AFF3: variants seen among roughly 807,000 people sequenced by gnomAD.
The protein encoded by AFF3 is AF4/FMR2 family member 3.
AFF3 carries 32 observed loss-of-function variants against 129.7 expected under a neutral mutation model. The observed-to-expected ratio is 0.25, with a 90% CI of 0.19 to 0.33. The LOEUF (loss-of-function observed/expected upper bound fraction) is 0.33. Among genes scored for constraint, AFF3 ranks in the 10% least tolerant of loss-of-function variants. The probability of loss-of-function intolerance (pLI) is 1.00; values close to 1 mark genes in which losing one functional copy is unlikely to be tolerated. For synonymous variants in AFF3, 644 were observed against 635.4 expected (o/e 1.01, Z -0.20); for missense variants, 1,373 against 1,592.0 (o/e 0.86, Z 2.34).
intron 8 of AFF3, among the ~76,000 whole-genome samples, chr2:99,803,296 G>A (rs1014293244): frequency 5.3e-5 from 8 of 152,114 alleles, no homozygotes; most frequent in African/African-American, 1.9e-4. Flanking sequence ...TGATCATGGT[G>A]AATTATCTTT....
intron 4 of AFF3, among the ~76,000 whole-genome samples, chr2:100,101,425 ACCT>A (rs1162111960): frequency 6.8e-6 from 1 of 146,602 alleles, no homozygotes; most frequent in African/African-American, 2.5e-5. Context: ...ATTAATCTGT[ACCT>A]CCTCCTTCCT....
chr2:99,572,706 A>G, intron 18 of AFF3: 2 of 452,120 alleles, frequency 4.4e-6, no homozygotes, highest in Non-Finnish European at 8.9e-6. Context: ...AGAGGTGTTA[A>G]TATGTCCCAA....
At chr2:100,003,280 C>A (rs372508504) in intron 7 of AFF3, among the ~76,000 whole-genome samples, 4 of 152,206 alleles carry the variant, frequency 2.6e-5, no homozygotes, top group Admixed American at 1.3e-4. Flanking sequence ...ATGTTTGAAT[C>A]TGGAATTACA....
rs182970720 is a variant in AFF3 at position 99,778,877 on chromosome 2, T to G, written c.922-26576A>C. Among the ~76,000 whole-genome samples, 327 of 43,506 alleles carry G rather than the reference T, an allele frequency of 7.5e-3. 1 individual carries two copies. Among genetic ancestry groups the G allele is most frequent in the Non-Finnish European group, 0.012 (245 of 20,362 alleles). The allele number at this position is 43,506 out of a possible 152,430, so 28.5% of individuals were successfully genotyped here. On this transcript the variant is annotated intron_variant, in intron 8 of 24. Transcript: ENST00000672756. ...TGTTTATTACCTATAATTTTGTGTGTGTGTGTGTGTGTGTGTGCGCGTGTG... is the reference window on the plus strand; with the variant it reads ...TGTTTATTACCTATAATTTTGTGTGGGTGTGTGTGTGTGTGTGCGCGTGTG...
intron 7 of AFF3, among the ~76,000 whole-genome samples, chr2:99,974,477 A>G (rs1172804925): frequency 2.6e-5 from 4 of 152,350 alleles, no homozygotes; most frequent in Non-Finnish European, 5.9e-5. Context: ...CTCGCAGACA[A>G]GAAGCTAATT....
intron 4 of AFF3, among the ~76,000 whole-genome samples, chr2:100,029,112 G>T (rs992555609): frequency 1.3e-5 from 2 of 152,154 alleles, no homozygotes; most frequent in Non-Finnish European, 2.9e-5. Context: ...CTAATATGTG[G>T]TCAATGTGAC....
At chr2:99,573,802 G>A (rs1218679912) in intron 18 of AFF3, among the ~76,000 whole-genome samples, 2 of 152,198 alleles carry the variant, frequency 1.3e-5, no homozygotes, top group Non-Finnish European at 2.9e-5. Flanking sequence ...ACGTTTGGTG[G>A]TTTGGCTGAA....
intron 11 of AFF3, among the ~76,000 whole-genome samples, chr2:99,698,549 G>A (rs1676528931): frequency 6.6e-6 from 1 of 152,190 alleles, no homozygotes; most frequent in African/African-American, 2.4e-5. Flanking sequence ...TGAGACAGTG[G>A]AACACTTTTG....
chr2:100,091,013 G>A (rs2576686), intron 4 of AFF3, among the ~76,000 whole-genome samples: 6 of 152,150 alleles, frequency 3.9e-5, no homozygotes, highest in Non-Finnish European at 7.4e-5. Flanking sequence ...TTTTAAGGTC[G>A]CATGGGACCT....
At chr2:99,583,787 G>C (rs933161829) in intron 16 of AFF3, among the ~76,000 whole-genome samples, 11 of 152,016 alleles carry the variant, frequency 7.2e-5, no homozygotes, top group African/African-American at 2.7e-4. Flanking sequence ...CTGCCTCCTG[G>C]GTTCAAGTGA....
chr2:99,968,636 T>C (rs1008257592), intron 7 of AFF3, among the ~76,000 whole-genome samples: 3 of 152,180 alleles, frequency 2.0e-5, no homozygotes, highest in African/African-American at 7.2e-5. Flanking sequence ...TAATTTAGCA[T>C]GCAGGAACAT....
At chr2:99,627,596 T>A (rs997119246) in intron 13 of AFF3, among the ~76,000 whole-genome samples, 3 of 152,216 alleles carry the variant, frequency 2.0e-5, no homozygotes, top group African/African-American at 7.2e-5. Context: ...CATGTGTCAA[T>A]TTTTGCTTTT....
At chr2:100,046,174 T>G (rs1028181007) in intron 4 of AFF3, among the ~76,000 whole-genome samples, 4 of 152,210 alleles carry the variant, frequency 2.6e-5, no homozygotes, top group Non-Finnish European at 5.9e-5. Context: ...GTAAGGCATG[T>G]ACTTAGCTGG....
At chr2:99,948,105 C>T (rs540758923) in intron 7 of AFF3, among the ~76,000 whole-genome samples, 1 of 152,128 alleles carries the variant, frequency 6.6e-6, no homozygotes, top group Non-Finnish European at 1.5e-5. Context: ...CTTAGGGGAG[C>T]CTCCTTCAGG....
intron 7 of AFF3, among the ~76,000 whole-genome samples, chr2:99,925,581 G>A (rs1696177155): frequency 6.6e-6 from 1 of 152,202 alleles, no homozygotes; most frequent in South Asian, 2.1e-4. Flanking sequence ...TTAGGCAGAT[G>A]AAAGAACAAC....
At chr2:100,011,448 G>A (rs1169704657) in intron 4 of AFF3, 1 of 780,642 alleles carries the variant, frequency 1.3e-6, no homozygotes, top group Non-Finnish European at 2.4e-6. Flanking sequence ...GGTGGTCATT[G>A]AGAATGATTT....
intron 7 of AFF3, among the ~76,000 whole-genome samples, chr2:99,885,184 G>T (rs1576275124): frequency 1.3e-5 from 2 of 152,084 alleles, no homozygotes; most frequent in African/African-American, 4.8e-5. Flanking sequence ...ACAGTCTACA[G>T]GCGTTCCTAT....
chr2:99,986,456 T>G (rs929548214), intron 7 of AFF3, among the ~76,000 whole-genome samples: 5 of 152,044 alleles, frequency 3.3e-5, no homozygotes, highest in Admixed American at 3.3e-4. Context: ...ATGCTGAAGC[T>G]TAAGTAGCAC....
chr2:99,616,391 C>A (rs12612124), intron 13 of AFF3, among the ~76,000 whole-genome samples: 82,698 of 151,742 alleles, frequency 0.54, 22,759 homozygotes, highest in African/African-American at 0.62. Flanking sequence ...CATACCACCC[C>A]TTTAAAGTAT....
Sources: gnomAD v4.1 joint callset for allele counts (sites outside exome capture counted in the v4.1 genomes callset) on GRCh38, gnomAD v4.1.1 for gene constraint, MANE v1.5 for transcripts, NCBI Gene and HGNC (gene_info 2026-07-23, HGNC 2026-07-21) for gene names.